GUCY2F: variants seen among roughly 807,000 people sequenced by gnomAD.
GUCY2F encodes the protein retinal guanylyl cyclase 2.
A neutral mutation model predicts 73.1 loss-of-function variants in GUCY2F; 61 were observed. That is an observed-to-expected ratio of 0.83 (90% CI 0.68 to 1.03). GUCY2F has a LOEUF of 1.03. GUCY2F is among the 50% of genes least tolerant of loss of function. GUCY2F has a pLI of 0.00. For missense variants in GUCY2F, 912 were observed against 854.3 expected (o/e 1.07, Z -0.84); for synonymous variants, 331 against 307.8 (o/e 1.08, Z -0.79).
At chrX:109,414,776 C>T in intron 8 of GUCY2F, among the ~76,000 whole-genome samples, 1 of 111,419 alleles carries the variant, frequency 9.0e-6, no homozygotes, top group Non-Finnish European at 1.9e-5. Flanking sequence ...TTAAACCATG[C>T]AAAGAAGGGA....
chrX:109,376,559 C>T (rs1418323616), intron 17 of GUCY2F, among the ~76,000 whole-genome samples: 2 of 112,152 alleles, frequency 1.8e-5, no homozygotes, highest in Non-Finnish European at 3.8e-5. Flanking sequence ...TCTCACCAAA[C>T]CCAAAAAGAG....
intron 12 of GUCY2F, 116 bp from the exon 13 acceptor site, chrX:109,393,171 G>T: frequency 4.2e-6 from 2 of 476,731 alleles, no homozygotes; most frequent in East Asian, 7.0e-5. Context: ...CAGGAAAGGT[G>T]AACCCAGATA....
At chrX:109,390,370 CA>C (rs1207226343) in intron 14 of GUCY2F, among the ~76,000 whole-genome samples, 20 of 111,889 alleles carry the variant, frequency 1.8e-4, no homozygotes, top group African/African-American at 6.5e-4. Flanking sequence ...TATCAAGTAC[CA>C]GGGGAGGTGA....
intron 9 of GUCY2F, among the ~76,000 whole-genome samples, 172 bp downstream of exon 9, chrX:109,408,820 C>T (rs1458650264): frequency 2.7e-5 from 3 of 112,054 alleles, no homozygotes; most frequent in African/African-American, 9.8e-5. Flanking sequence ...TCCAATTAAA[C>T]ATCTCTTTCT....
chrX:109,382,298 T>C lies in GUCY2F; in HGVS notation c.3056-86A>G, dbSNP rs1015976934. ...ATGTCAATGTAATAAATGTCTTCAC[T>C]TGTAAATGAACTAGACCATTAGCAA... is the stretch of plus-strand genomic sequence containing the variant. On this transcript the variant is annotated intron_variant, in intron 16 of 19. Coordinates refer to ENST00000218006, the MANE Select transcript of GUCY2F (RefSeq NM_001522.3). 24 of 560,749 alleles carry C rather than the reference T, an allele frequency of 4.3e-5. No individual in the cohort carries two copies. The South Asian group carries it at 5.0e-4, about 12-fold the overall frequency. The allele number at this position is 560,749 out of a possible 1,213,427, so 46.2% of individuals were successfully genotyped here. A position where few individuals can be genotyped will look rare whatever the true frequency, so the allele number is the denominator to read the frequency against.
intron 15 of GUCY2F, 53 bp downstream of exon 15, chrX:109,388,436 A>C: frequency 1.1e-6 from 1 of 902,826 alleles, no homozygotes; most frequent in East Asian, 3.1e-5. Context: ...TTTCTTTTTT[A>C]GTCTTCCTAG....
intron 1 of GUCY2F, among the ~76,000 whole-genome samples, chrX:109,477,049 G>T (rs971830645): frequency 1.1e-4 from 12 of 110,912 alleles, no homozygotes; most frequent in Admixed American, 9.7e-4. Context: ...TAGCAACAAT[G>T]TGGAGAATGA....
intron 7 of GUCY2F, among the ~76,000 whole-genome samples, chrX:109,438,565 A>G (rs1221005126): frequency 8.8e-6 from 1 of 113,057 alleles, no homozygotes; most frequent in Non-Finnish European, 1.9e-5. Flanking sequence ...AACAAACAAC[A>G]TTAAGTCTTA....
At position 109,404,205 on chromosome X, in the gene GUCY2F, G is replaced by A. The variant is rs1930918063; in HGVS notation, c.2125+123C>T. 7.3e-6 allele frequency: 4 copies of A among 548,492 alleles called. No individual in the cohort carries two copies. In the South Asian group the frequency reaches 1.3e-4, roughly 18 times the overall value. 45.2% of individuals were successfully genotyped at this position (548,492 alleles called of 1,213,427 possible). ...CATTCAAGTCCCTTGGCTTGGAAAT[G>A]AGGCTGGATTTTCAACAAAAGTGGA... On this transcript the variant is annotated intron_variant, in intron 10 of 19. Transcript: ENST00000218006.
chrX:109,474,190 C>G (rs1480532432), intron 2 of GUCY2F, among the ~76,000 whole-genome samples: 1 of 111,740 alleles, frequency 8.9e-6, no homozygotes, highest in East Asian at 2.8e-4. Flanking sequence ...ATTTCCTTAA[C>G]AATGGTTAAG....
chrX:109,427,940 G>C (rs1931524605), intron 8 of GUCY2F, among the ~76,000 whole-genome samples: 1 of 111,665 alleles, frequency 9.0e-6, no homozygotes, highest in East Asian at 2.8e-4. Context: ...ATGAATTTAT[G>C]GTTTTAGATA....
intron 14 of GUCY2F, among the ~76,000 whole-genome samples, chrX:109,390,025 G>A (rs964681028): frequency 8.9e-6 from 1 of 112,095 alleles, no homozygotes; most frequent in Non-Finnish European, 1.9e-5. Flanking sequence ...ACACAGGAAG[G>A]AAGGATTACA....
At position 109,452,072 on chromosome X, in the gene GUCY2F, T is replaced by A; in HGVS notation, c.1423A>T (p.Thr475Ser). 2.6e-6 allele frequency: 3 copies of A among 1,135,869 alleles called. No homozygotes were observed. Among genetic ancestry groups the A allele is most frequent in the Non-Finnish European group, 3.6e-6 (3 of 826,657 alleles). 93.6% of individuals were successfully genotyped at this position (1,135,869 alleles called of 1,213,427 possible). Residue 475 changes from threonine (T) to serine (S), a missense_variant, in exon 5 of 20, where the codon ACT (threonine) becomes TCT (serine). By Grantham distance (58) the Thr-to-Ser change is moderately conservative. Coordinates refer to ENST00000218006, the MANE Select transcript of GUCY2F (RefSeq NM_001522.3). ...DPAFAMMVCL[T>S]LLIALLSING... ...ATAGACAGCAGGGCTATAAGCAAAG[T>A]AAGGCAGACCATCATGGCAAAGGCA...
chrX:109,406,490 G>T (rs1480631518), intron 9 of GUCY2F, among the ~76,000 whole-genome samples: 1 of 111,876 alleles, frequency 8.9e-6, no homozygotes, highest in Non-Finnish European at 1.9e-5. Flanking sequence ...AGGAAGTAAA[G>T]AAAAATCTGG....
Position 109,395,386 on chromosome X carries a change from A to G in GUCY2F, c.2379T>C (p.Ala793=). 8.3e-7 allele frequency: 1 copy of G among 1,205,928 alleles called. No homozygotes were observed. The highest frequency in any genetic ancestry group is 1.8e-5 in the South Asian group (1 of 56,739). Residue 793 remains alanine (A), a synonymous_variant, in exon 12 of 20, where the codon GCT becomes GCC. Transcript: ENST00000218006. ...AAGTTGGTCGTTGTTCTGCAGCCTC[A>G]GCCCAGCACTGCTTCATCAGCTGGA... ...ECLQLMKQCW[A]EAAEQRPTFD... is the part of the protein sequence containing the mutation.
intron 11 of GUCY2F, 136 bp downstream of exon 11, chrX:109,398,413 G>A: frequency 1.7e-6 from 1 of 578,372 alleles, no homozygotes; most frequent in Non-Finnish European, 2.7e-6. Flanking sequence ...AGTCCCACCT[G>A]TACATAACTT....
chrX:109,465,827 G>T (rs185172124), intron 2 of GUCY2F, among the ~76,000 whole-genome samples: 1 of 112,169 alleles, frequency 8.9e-6, no homozygotes, highest in East Asian at 2.8e-4. Context: ...CCATAAAATG[G>T]AGATAACAAT....
chrX:109,376,360 C>G (rs1022132344), intron 17 of GUCY2F, among the ~76,000 whole-genome samples, 193 bp from the exon 18 acceptor site: 11 of 112,170 alleles, frequency 9.8e-5, no homozygotes, highest in Admixed American at 5.6e-4. Context: ...TCTACCGCCA[C>G]CATACAGCTT....
intron 6 of GUCY2F, among the ~76,000 whole-genome samples, chrX:109,445,081 G>A (rs1387037186): frequency 2.7e-5 from 3 of 111,375 alleles, no homozygotes; most frequent in Non-Finnish European, 5.7e-5. Context: ...CTCTTGTGTG[G>A]TATGATTTGT....
Sources: gnomAD v4.1 joint callset for allele counts (sites outside exome capture counted in the v4.1 genomes callset) on GRCh38, gnomAD v4.1.1 for gene constraint, MANE v1.5 for transcripts, NCBI Gene and HGNC (gene_info 2026-07-23, HGNC 2026-07-21) for gene names.